The following MRPL48 variants were observed in gnomAD, a reference collection of about 807,000 sequenced individuals.
The protein encoded by MRPL48 is large ribosomal subunit protein mL48.
In MRPL48, 16 loss-of-function variants were observed where a neutral mutation model predicts 32.9. The observed-to-expected ratio is 0.49, with a 90% confidence interval of 0.33 to 0.74. The LOEUF (loss-of-function observed/expected upper bound fraction) is 0.74, where lower values mean the gene tolerates loss of function less well. MRPL48 is among the 30% of genes least tolerant of loss of function. The pLI is 0.02. For synonymous variants in MRPL48, 94 were observed against 89.2 expected (o/e 1.05, Z -0.31); for missense variants, 206 against 245.3 (o/e 0.84, Z 1.07).
chr11:73,816,585 C>T (rs921639612), intron 3 of MRPL48, among the ~76,000 whole-genome samples: 1 of 152,008 alleles, frequency 6.6e-6, no homozygotes, highest in Non-Finnish European at 1.5e-5. Context: ...CCGCCTCAGC[C>T]TCCTGAGTAG....
At chr11:73,845,124 G>T in intron 5 of MRPL48, 148 bp downstream of exon 5, 1 of 775,464 alleles carries the variant, frequency 1.3e-6, no homozygotes, top group Non-Finnish European at 1.9e-6. Context: ...ATATAGACTA[G>T]TTCTATTAAC....
At chr11:73,862,786 G>T (rs1464692573) in intron 6 of MRPL48, among the ~76,000 whole-genome samples, 2 of 152,102 alleles carry the variant, frequency 1.3e-5, no homozygotes, top group Non-Finnish European at 2.9e-5. Flanking sequence ...CGGGACTGGT[G>T]GCACGTGCCT....
At chr11:73,806,794 G>T (rs1947461786) in intron 2 of MRPL48, among the ~76,000 whole-genome samples, 1 of 151,832 alleles carries the variant, frequency 6.6e-6, no homozygotes, top group Non-Finnish European at 1.5e-5. Context: ...AGCTAATTTG[G>T]GTTGGAATTA....
chr11:73,814,709 T>C (rs1590952271), intron 3 of MRPL48, among the ~76,000 whole-genome samples: 1 of 142,480 alleles, frequency 7.0e-6, no homozygotes, highest in Non-Finnish European at 1.5e-5. Context: ...AAAAAAAAAG[T>C]GAGGCTGGGT....
intron 5 of MRPL48, among the ~76,000 whole-genome samples, chr11:73,855,744 C>T (rs997100459): frequency 5.3e-5 from 8 of 152,284 alleles, no homozygotes; most frequent in African/African-American, 1.9e-4. Context: ...CCTCGGCCTC[C>T]CAAAGTGCTG....
At chr11:73,858,123 C>T (rs560123994) in intron 5 of MRPL48, among the ~76,000 whole-genome samples, 2 of 152,278 alleles carry the variant, frequency 1.3e-5, no homozygotes, top group South Asian at 4.1e-4. Flanking sequence ...ACAATTATTT[C>T]ACTTGAACAT....
chr11:73,804,094 A>G (rs552198551), intron 1 of MRPL48, among the ~76,000 whole-genome samples: 2 of 151,306 alleles, frequency 1.3e-5, no homozygotes, highest in South Asian at 4.2e-4. Flanking sequence ...TAATTTTTGT[A>G]TTTTTAGTAG....
intron 3 of MRPL48, among the ~76,000 whole-genome samples, chr11:73,809,933 G>C (rs186183616): frequency 2.0e-5 from 3 of 152,140 alleles, no homozygotes; most frequent in African/African-American, 7.2e-5. Context: ...ATTTCTACTG[G>C]GCCCAAAGCC....
intron 1 of MRPL48, among the ~76,000 whole-genome samples, chr11:73,800,771 G>A (rs913203202): frequency 1.1e-4 from 16 of 151,238 alleles, no homozygotes; most frequent in African/African-American, 3.6e-4. Context: ...ACCATAATTT[G>A]AATGTCTTCC....
intron 3 of MRPL48, among the ~76,000 whole-genome samples, chr11:73,811,572 T>C (rs1213140872): frequency 6.6e-6 from 1 of 152,222 alleles, no homozygotes; most frequent in African/African-American, 2.4e-5. Flanking sequence ...TTTGTCAGAC[T>C]TTCATTGTCT....
chr11:73,813,063 A>AT (rs201665451), intron 3 of MRPL48, among the ~76,000 whole-genome samples: 2 of 150,720 alleles, frequency 1.3e-5, no homozygotes, highest in Non-Finnish European at 3.0e-5. Flanking sequence ...AAAAAATAAT[A>AT]TTTTTTTTGT....
intron 5 of MRPL48, among the ~76,000 whole-genome samples, chr11:73,848,901 C>T (rs1211378490): frequency 6.6e-6 from 1 of 151,918 alleles, no homozygotes; most frequent in Admixed American, 6.6e-5. Context: ...CTCACTGCTA[C>T]CTCCATCTCC....
chr11:73,852,232 A>G (rs1480437712), intron 5 of MRPL48, among the ~76,000 whole-genome samples: 2 of 152,132 alleles, frequency 1.3e-5, no homozygotes, highest in Admixed American at 6.6e-5. Flanking sequence ...ACCAGTGACA[A>G]TTAGGCTGTT....
intron 5 of MRPL48, among the ~76,000 whole-genome samples, chr11:73,846,041 G>A (rs181523788): frequency 2.9e-3 from 401 of 138,606 alleles, no homozygotes; most frequent in African/African-American, 4.1e-3. Context: ...GCACTCCAGC[G>A]TGGGCAACAG....
In MRPL48 at chr11:73,795,923, A is replaced by T. The variant is rs80205658; in HGVS notation, c.21+7931A>T. Among the ~76,000 whole-genome samples the T allele has an allele frequency of 1.1e-4, 17 of 152,318 alleles. No homozygotes were observed. In the East Asian group the frequency reaches 3.3e-3, roughly 29 times the overall value. On this transcript the variant is annotated intron_variant, in intron 1 of 7. Transcript: ENST00000310614. ...CATCCCAAAAGGAAACTCCTTACCC[A>T]TAAGTAGTCACTCCCCATACTGTCA...
chr11:73,826,737 C>G (rs925349784), intron 4 of MRPL48, among the ~76,000 whole-genome samples: 11 of 150,052 alleles, frequency 7.3e-5, no homozygotes, highest in Non-Finnish European at 1.6e-4. Flanking sequence ...GCCTTGACCT[C>G]TGAAAGTGCT....
chr11:73,813,597 T>C (rs1947607411), intron 3 of MRPL48, among the ~76,000 whole-genome samples: 1 of 152,218 alleles, frequency 6.6e-6, no homozygotes, highest in Non-Finnish European at 1.5e-5. Flanking sequence ...CATATGCTTG[T>C]ACTTTTTCTA....
At chr11:73,805,160 A>G (rs1742951639) in intron 2 of MRPL48, 81 bp downstream of exon 2, 1 of 1,185,566 alleles carries the variant, frequency 8.4e-7, no homozygotes, top group African/African-American at 1.5e-5. Context: ...TTTTCATCAT[A>G]TTTACTTGCA....
At chr11:73,850,993 T>C in intron 5 of MRPL48, 1 of 409,158 alleles carries the variant, frequency 2.4e-6, no homozygotes, top group Admixed American at 2.9e-5. Context: ...TACAATTTTT[T>C]ATGACTCTGT....
Sources: gnomAD v4.1 joint callset for allele counts (sites outside exome capture counted in the v4.1 genomes callset) on GRCh38, gnomAD v4.1.1 for gene constraint, MANE v1.5 for transcripts, NCBI Gene and HGNC (gene_info 2026-07-23, HGNC 2026-07-21) for gene names.